Variants in UPP2 observed in about 807,000 individuals in gnomAD.
The protein encoded by UPP2 is uridine phosphorylase 2.
UPP2 carries 23 observed loss-of-function variants against 26.7 expected under a neutral mutation model. That is an observed-to-expected ratio of 0.86 (90% confidence interval 0.62 to 1.22). UPP2 has a LOEUF of 1.22. Ranked by LOEUF, UPP2 falls within the 50% of genes most tolerant of loss-of-function variation. The pLI is 0.00. For missense variants in UPP2, 387 were observed against 396.7 expected (o/e 0.98, Z 0.21); for synonymous variants, 127 against 141.3 (o/e 0.90, Z 0.72).
chr2:158,109,319 A>G (rs1455712320), intron 2 of UPP2, among the ~76,000 whole-genome samples: 1 of 152,110 alleles, frequency 6.6e-6, no homozygotes, highest in Non-Finnish European at 1.5e-5. Context: ...TTCTTACCAT[A>G]TTTAAAAATT....
At chr2:158,024,865 T>A (rs1434271361) in intron 3 of UPP2, among the ~76,000 whole-genome samples, 1 of 152,106 alleles carries the variant, frequency 6.6e-6, no homozygotes, top group South Asian at 2.1e-4. Context: ...TAAAAAAAAA[T>A]TATCATCTGG....
At chr2:158,024,451 G>A (rs1375230908) in intron 3 of UPP2, among the ~76,000 whole-genome samples, 1 of 152,156 alleles carries the variant, frequency 6.6e-6, no homozygotes, top group African/African-American at 2.4e-5. Flanking sequence ...GGGCCCCAAC[G>A]CCTGGGAAAA....
chr2:158,034,222 G>C (rs995153688), intron 3 of UPP2, among the ~76,000 whole-genome samples: 1 of 152,058 alleles, frequency 6.6e-6, no homozygotes, highest in Admixed American at 6.5e-5. Flanking sequence ...TTACCATCAG[G>C]GTGCTTGTTC....
Position 158,069,969 on chromosome 2 carries a change from C to T in UPP2, c.148-32071C>T, listed in dbSNP as rs534614476. ...GTCCCTTTTATAAGGGCTTTAATCT[C>T]AATCATGAGGGCTCCACTCTGACCT... On this transcript the variant is annotated intron_variant, in intron 3 of 9. Transcript: ENST00000605860. 2.6e-5 allele frequency among the ~76,000 whole-genome samples: 4 copies of T among 152,168 alleles called. No individual in the cohort carries two copies. In the East Asian group the frequency reaches 5.8e-4, roughly 22 times the overall value.
intron 3 of UPP2, among the ~76,000 whole-genome samples, chr2:158,056,705 A>C (rs1417031072): frequency 6.6e-6 from 1 of 152,190 alleles, no homozygotes; most frequent in Non-Finnish European, 1.5e-5. Context: ...TGGCCGTGAG[A>C]TTCTTAGAAG....
At chr2:158,115,838 T>A (rs1683418755) in intron 3 of UPP2, among the ~76,000 whole-genome samples, 1 of 152,246 alleles carries the variant, frequency 6.6e-6, no homozygotes, top group Non-Finnish European at 1.5e-5. Context: ...GGGCACACAC[T>A]GATGAGGGCG....
At chr2:158,039,163 A>G (rs913878527) in intron 3 of UPP2, among the ~76,000 whole-genome samples, 1 of 152,186 alleles carries the variant, frequency 6.6e-6, no homozygotes, top group Non-Finnish European at 1.5e-5. Flanking sequence ...AGGCTGGGGA[A>G]GTGAAGGGGG....
chr2:158,006,989 C>T (rs1202265023), intron 2 of UPP2, among the ~76,000 whole-genome samples: 1 of 152,188 alleles, frequency 6.6e-6, no homozygotes, highest in Non-Finnish European at 1.5e-5. Context: ...CCACACCATC[C>T]TAGTTCCCTT....
chr2:158,084,440 C>T lies in UPP2; in HGVS notation c.148-17600C>T, dbSNP rs1006769294. Among the ~76,000 whole-genome samples the T allele has an allele frequency of 3.9e-5, 6 of 152,024 alleles. No homozygotes were observed. The South Asian group carries it at 1.2e-3, about 31-fold the overall frequency. ...TAAATTGCAAAGATTTTCTCCCATT[C>T]TGTAGGTTGTCTGTTTGCTGATTGT... is the stretch of plus-strand genomic sequence containing the variant. On this transcript the variant is annotated intron_variant, in intron 3 of 9. Transcript: ENST00000605860.
At chr2:158,035,052 T>G (rs1683978810) in intron 3 of UPP2, among the ~76,000 whole-genome samples, 1 of 152,176 alleles carries the variant, frequency 6.6e-6, no homozygotes, top group Non-Finnish European at 1.5e-5. Flanking sequence ...TCCTCTTCTT[T>G]TTATCAGAAT....
intron 6 of UPP2, among the ~76,000 whole-genome samples, chr2:158,124,166 G>A (rs1465961263): frequency 1.3e-5 from 2 of 152,136 alleles, no homozygotes; most frequent in East Asian, 3.8e-4. Context: ...CTTCATCCTG[G>A]TGGTGGCTAG....
At chr2:158,045,340 C>A (rs1456052081) in intron 3 of UPP2, among the ~76,000 whole-genome samples, 1 of 152,122 alleles carries the variant, frequency 6.6e-6, no homozygotes, top group African/African-American at 2.4e-5. Context: ...AAAACCCCAC[C>A]CTTTCTAGCC....
At chr2:158,012,374 T>C (rs1448299360) in intron 2 of UPP2, among the ~76,000 whole-genome samples, 1 of 150,630 alleles carries the variant, frequency 6.6e-6, no homozygotes, top group Non-Finnish European at 1.5e-5. Context: ...TTCAAGTGAT[T>C]CTCCTGCCTC....
chr2:158,108,565 G>A (rs1574296287), intron 2 of UPP2, among the ~76,000 whole-genome samples: 1 of 151,816 alleles, frequency 6.6e-6, no homozygotes, highest in African/African-American at 2.4e-5. Flanking sequence ...AAAATAAGGG[G>A]ACTCACATGT....
chr2:158,109,307 T>C (rs1408705430), intron 2 of UPP2, among the ~76,000 whole-genome samples: 6 of 152,166 alleles, frequency 3.9e-5, no homozygotes, highest in Non-Finnish European at 7.3e-5. Context: ...ATTTCCTTCA[T>C]ATTCTTACCA....
At chr2:158,059,962 G>T (rs1223920712) in intron 3 of UPP2, among the ~76,000 whole-genome samples, 4 of 152,174 alleles carry the variant, frequency 2.6e-5, no homozygotes, top group African/African-American at 7.2e-5. Flanking sequence ...ATTTTGCTTA[G>T]TTGGTTAAAG....
intron 3 of UPP2, among the ~76,000 whole-genome samples, chr2:158,083,070 G>T (rs538566585): frequency 4.6e-4 from 70 of 152,314 alleles, no homozygotes; most frequent in African/African-American, 1.7e-3. Flanking sequence ...ATGCTGGAGA[G>T]GATGCGGAGA....
At chr2:158,080,019 C>G (rs1682695863) in intron 3 of UPP2, among the ~76,000 whole-genome samples, 1 of 152,078 alleles carries the variant, frequency 6.6e-6, no homozygotes. Context: ...CATAAATATC[C>G]CTGGTCTTAG....
chr2:158,090,273 C>T (rs537837834), intron 3 of UPP2, among the ~76,000 whole-genome samples: 3 of 152,260 alleles, frequency 2.0e-5, no homozygotes, highest in East Asian at 3.9e-4. Flanking sequence ...GAGGCCGAGG[C>T]GGGCGGATCA....
Sources: gnomAD v4.1 joint callset for allele counts (sites outside exome capture counted in the v4.1 genomes callset) on GRCh38, gnomAD v4.1.1 for gene constraint, MANE v1.5 for transcripts, NCBI Gene and HGNC (gene_info 2026-07-23, HGNC 2026-07-21) for gene names.